The following CHST11 variants were observed in gnomAD, a reference collection of about 807,000 sequenced individuals.
CHST11 encodes C4S-1.
Under a neutral mutation model 30.4 loss-of-function variants are expected in CHST11, and 9 were observed. That is an observed-to-expected ratio of 0.30 (90% confidence interval 0.18 to 0.52). CHST11 has a LOEUF of 0.52. CHST11 is among the 20% of genes least tolerant of loss of function. The pLI, the probability that CHST11 is intolerant of heterozygous loss-of-function variation, is 0.97. For missense variants in CHST11, 348 were observed against 460.6 expected, an observed-to-expected ratio of 0.76 and a Z score of 2.24; for synonymous variants, 152 against 187.8, an observed-to-expected ratio of 0.81 and a Z score of 1.56.
intron 1 of CHST11, among the ~76,000 whole-genome samples, chr12:104,596,877 G>A (rs982247361): frequency 6.6e-6 from 1 of 152,156 alleles, no homozygotes; most frequent in Non-Finnish European, 1.5e-5. Context: ...AGTTTCTTCT[G>A]TAAATCGAGG....
At chr12:104,500,352 C>A (rs2037840977) in intron 1 of CHST11, among the ~76,000 whole-genome samples, 1 of 151,988 alleles carries the variant, frequency 6.6e-6, no homozygotes, top group South Asian at 2.1e-4. Context: ...ATTTATTAGT[C>A]CCAGCTTGGC....
chr12:104,722,380 G>A (rs2040184746), intron 2 of CHST11, among the ~76,000 whole-genome samples: 1 of 152,076 alleles, frequency 6.6e-6, no homozygotes, highest in Non-Finnish European at 1.5e-5. Context: ...CTTGGCTACT[G>A]GGAAGCACAA....
At chr12:104,461,580 A>G (rs2037408351) in intron 1 of CHST11, among the ~76,000 whole-genome samples, 1 of 152,090 alleles carries the variant, frequency 6.6e-6, no homozygotes, top group Admixed American at 6.5e-5. Context: ...ACTCCATAGG[A>G]TTGTGGTTTT....
chr12:104,506,132 G>T (rs546674749), intron 1 of CHST11, among the ~76,000 whole-genome samples: 1 of 152,336 alleles, frequency 6.6e-6, no homozygotes, highest in South Asian at 2.1e-4. Context: ...AAAATCAGGT[G>T]TCTGATCTGT....
At chr12:104,546,481 A>T (rs1313645802) in intron 1 of CHST11, among the ~76,000 whole-genome samples, 4 of 32,994 alleles carry the variant, frequency 1.2e-4, no homozygotes, top group Non-Finnish European at 2.2e-4. Flanking sequence ...AAAAAAAAAG[A>T]TTTAAATTTC....
At chr12:104,642,543 G>T (rs967466045) in intron 2 of CHST11, among the ~76,000 whole-genome samples, 1 of 152,144 alleles carries the variant, frequency 6.6e-6, no homozygotes, top group African/African-American at 2.4e-5. Flanking sequence ...TGGGACTACA[G>T]GCGTGTGCCA....
Position 104,458,996 on chromosome 12 carries a change from T to A in CHST11, c.118+1467T>A, listed in dbSNP as rs1252905340. Among the ~76,000 whole-genome samples the A allele has an allele frequency of 6.6e-6, 1 of 152,172 alleles. No individual in the cohort carries two copies. Among genetic ancestry groups the A allele is most frequent in the Non-Finnish European group, 1.5e-5 (1 of 68,030 alleles). On this transcript the variant is annotated intron_variant, in intron 1 of 2. Transcript: ENST00000303694. The surrounding 1 kb of genome is among the most constrained non-coding windows in gnomAD (Gnocchi z 5.7). ...CAGACGGCCCCTTTGCCCCACTCGGTCTGGAGCAGTTGTTAAGGCAGCCAC... is the reference window on the plus strand; with the variant it reads ...CAGACGGCCCCTTTGCCCCACTCGGACTGGAGCAGTTGTTAAGGCAGCCAC...
intron 2 of CHST11, among the ~76,000 whole-genome samples, chr12:104,620,638 G>GTTT (rs1365237387): frequency 1.3e-5 from 2 of 152,080 alleles, no homozygotes; most frequent in Non-Finnish European, 2.9e-5. Context: ...TTATTTGTTT[G>GTTT]TTTGTTTGTT....
At chr12:104,685,514 C>T (rs1250420457) in intron 2 of CHST11, among the ~76,000 whole-genome samples, 2 of 152,266 alleles carry the variant, frequency 1.3e-5, no homozygotes, top group South Asian at 2.1e-4. Flanking sequence ...TATGGGTTGG[C>T]GACCAGGGAT....
chr12:104,607,371 G>C (rs1436088679), intron 2 of CHST11, among the ~76,000 whole-genome samples: 1 of 152,174 alleles, frequency 6.6e-6, no homozygotes, highest in Non-Finnish European at 1.5e-5. Flanking sequence ...AGCAATGCTT[G>C]ACAAAATGTG....
rs2040505106 is a variant in CHST11, at chr12:104,759,245, A to G, written c.*1442A>G. 1.3e-5 allele frequency: 2 copies of G among 152,208 alleles called. No homozygotes were observed. Among genetic ancestry groups the G allele is most frequent in the Admixed American group, 6.5e-5 (1 of 15,282 alleles). 9.4% of individuals were successfully genotyped at this position (152,208 alleles called of 1,614,324 possible). A position where few individuals can be genotyped will look rare whatever the true frequency, so the allele number is the denominator to read the frequency against. ...ATCAGCATCTTGGTAACTGCCATGC[A>G]TGAGCAGCAAGGACAGCCTTCCATA... On this transcript the variant is annotated 3_prime_UTR_variant, in exon 3 of 3. Transcript: ENST00000303694.
intron 2 of CHST11, among the ~76,000 whole-genome samples, chr12:104,741,471 T>C (rs1206847789): frequency 6.6e-6 from 1 of 152,228 alleles, no homozygotes; most frequent in Non-Finnish European, 1.5e-5. Flanking sequence ...GCTGCTTGAC[T>C]AAGAAATAAA....
chr12:104,571,315 C>T (rs1337501379), intron 1 of CHST11, among the ~76,000 whole-genome samples: 1 of 152,130 alleles, frequency 6.6e-6, no homozygotes, highest in Admixed American at 6.5e-5. Context: ...TGGCATGTGC[C>T]ACCATGCCTG....
intron 2 of CHST11, among the ~76,000 whole-genome samples, chr12:104,619,762 A>G (rs1192080127): frequency 6.6e-6 from 1 of 152,212 alleles, no homozygotes; most frequent in Non-Finnish European, 1.5e-5. Flanking sequence ...GGGTTCAGAA[A>G]GGGTTAACTC....
chr12:104,683,502 T>A (rs2039817371), intron 2 of CHST11, among the ~76,000 whole-genome samples: 1 of 152,172 alleles, frequency 6.6e-6, no homozygotes, highest in Admixed American at 6.5e-5. Flanking sequence ...ACAATTTTCC[T>A]GTAGTGGTTG....
intron 2 of CHST11, among the ~76,000 whole-genome samples, chr12:104,735,148 G>GAGTAAGCTCC (rs1446733861): frequency 4.3e-4 from 66 of 152,340 alleles, no homozygotes; most frequent in African/African-American, 1.5e-3. Flanking sequence ...TGTGAGAAGA[G>GAGTAAGCTCC]AGTAAGCTCC....
intron 2 of CHST11, among the ~76,000 whole-genome samples, chr12:104,616,995 G>C (rs535382309): frequency 6.6e-6 from 1 of 152,350 alleles, no homozygotes; most frequent in South Asian, 2.1e-4. Flanking sequence ...AAAAGGCCGT[G>C]TTTATGCAGC....
intron 2 of CHST11, among the ~76,000 whole-genome samples, chr12:104,651,045 C>T (rs374558680): frequency 3.3e-5 from 5 of 152,234 alleles, no homozygotes; most frequent in African/African-American, 1.2e-4. Flanking sequence ...AATTTTTAGC[C>T]CCATTTTCAA....
chr12:104,464,276 C>T (rs1690577059), intron 1 of CHST11, among the ~76,000 whole-genome samples: 1 of 151,982 alleles, frequency 6.6e-6, no homozygotes, highest in African/African-American at 2.4e-5. Flanking sequence ...CCATGTTGGC[C>T]AAGCTGGTCT....
Sources: gnomAD v4.1 joint callset for allele counts (sites outside exome capture counted in the v4.1 genomes callset) on GRCh38, gnomAD v4.1.1 for gene constraint, Gnocchi (gnomAD v3.1) non-coding constraint, MANE v1.5 for transcripts, NCBI Gene and HGNC (gene_info 2026-07-23, HGNC 2026-07-21) for gene names.